Variants in MEIS2 observed in about 807,000 individuals in gnomAD.
The protein encoded by MEIS2 is homeobox protein Meis2.
A neutral mutation model predicts 58.6 loss-of-function variants in MEIS2; 9 were observed. That is an observed-to-expected ratio of 0.15 (90% CI 0.09 to 0.27). The LOEUF is 0.27. Among genes scored for constraint, MEIS2 ranks in the 10% least tolerant of loss-of-function variants. The pLI, the probability that MEIS2 is intolerant of heterozygous loss-of-function variation, is 1.00. For missense variants in MEIS2, 427 were observed against 635.0 expected (o/e 0.67, Z 3.52); for synonymous variants, 221 against 228.4 (o/e 0.97, Z 0.29).
intron 8 of MEIS2, among the ~76,000 whole-genome samples, chr15:37,031,781 T>C (rs1330731784): frequency 2.7e-5 from 4 of 150,016 alleles, no homozygotes; most frequent in Non-Finnish European, 5.9e-5. Flanking sequence ...AATCTGTAGT[T>C]TCAAGGCAGC....
chr15:37,076,280 C>T (rs1891406083), intron 7 of MEIS2, among the ~76,000 whole-genome samples: 2 of 151,828 alleles, frequency 1.3e-5, no homozygotes, highest in East Asian at 1.9e-4. Flanking sequence ...AATAACATGG[C>T]GTCATCACAG....
chr15:36,976,586 T>A (rs1054396827), intron 8 of MEIS2, among the ~76,000 whole-genome samples: 1 of 151,650 alleles, frequency 6.6e-6, no homozygotes, highest in Non-Finnish European at 1.5e-5. Context: ...TGACAGAGAC[T>A]GAAGGCACAG....
rs2055807409 is a variant in MEIS2 at position 36,890,639 on chromosome 15, A to C, written c.*1534T>G. 1 of 152,210 alleles carries C rather than the reference A, an allele frequency of 6.6e-6. No individual in the cohort carries two copies. The highest frequency in any genetic ancestry group is 1.5e-5 in the Non-Finnish European group (1 of 68,020). 9.4% of individuals were successfully genotyped at this position (152,210 alleles called of 1,614,324 possible). A position where few individuals can be genotyped will look rare whatever the true frequency, so the allele number is the denominator to read the frequency against. ...GGCAGAGGAAAAACACAGGCAGATA[A>C]ATTACCTTTGAGCACAGACATTATT... On this transcript the variant is annotated 3_prime_UTR_variant, in exon 12 of 12. Coordinates refer to ENST00000561208, the MANE Select transcript of MEIS2 (RefSeq NM_170675.5).
chr15:36,956,081 A>C (rs2058959646), intron 8 of MEIS2, among the ~76,000 whole-genome samples: 1 of 146,694 alleles, frequency 6.8e-6, no homozygotes, highest in African/African-American at 2.5e-5. Context: ...CCTGTAGTCC[A>C]GCTACTCGGG....
chr15:36,911,772 G>C (rs1304459510), intron 9 of MEIS2, among the ~76,000 whole-genome samples: 1 of 152,092 alleles, frequency 6.6e-6, no homozygotes, highest in African/African-American at 2.4e-5. Flanking sequence ...TCAATTGTTG[G>C]GCTTATTGAC....
At chr15:37,066,697 T>C (rs1418050859) in intron 7 of MEIS2, among the ~76,000 whole-genome samples, 2 of 152,228 alleles carry the variant, frequency 1.3e-5, no homozygotes, top group Admixed American at 6.5e-5. Context: ...GGAGAAAACT[T>C]AGAAATCCCC....
chr15:37,007,031 A>T (rs2060946953), intron 8 of MEIS2, among the ~76,000 whole-genome samples: 1 of 152,246 alleles, frequency 6.6e-6, no homozygotes, highest in African/African-American at 2.4e-5. Context: ...CTCTCTGGGC[A>T]TTATGTACTT....
chr15:37,016,169 A>G (rs999389047), intron 8 of MEIS2, among the ~76,000 whole-genome samples: 6 of 152,228 alleles, frequency 3.9e-5, no homozygotes, highest in African/African-American at 1.4e-4. Flanking sequence ...GAAACAACAA[A>G]GAATGAATGA....
intron 8 of MEIS2, among the ~76,000 whole-genome samples, chr15:36,980,837 C>G (rs1286268497): frequency 6.6e-6 from 1 of 152,106 alleles, no homozygotes; most frequent in Non-Finnish European, 1.5e-5. Context: ...TATACTGTCT[C>G]TTCTGTTCCA....
Position 36,892,339 on chromosome 15 carries a change from G to C in MEIS2, c.1268C>G (p.Pro423Arg), listed in dbSNP as rs768077389. The C allele has an allele frequency of 6.2e-6, 10 of 1,613,792 alleles. No homozygotes were observed. In the African/African-American group the frequency reaches 1.1e-4, roughly 17 times the overall value. The change falls in exon 12 of 12, where the codon CCC (proline) becomes CGC (arginine). Residue 423 changes from proline to arginine, a missense_variant. Physicochemically the swap from Pro to Arg is moderately radical, Grantham distance 103. This residue lies in a region of MEIS2 where 154 missense variants were observed against 148.1 expected (regional missense o/e 1.04). Coordinates refer to ENST00000561208, the MANE Select transcript of MEIS2 (RefSeq NM_170675.5). ...GCTTGGCAAATATGAATGCATTGGG[G>C]GTCCATGTCTTAATTGAGTAGGGTG... ...TPHPTQLRHGPPMHSYLPSHP... is the reference protein window; with the variant it reads ...TPHPTQLRHGRPMHSYLPSHP...
At chr15:36,975,815 G>C (rs2059729380) in intron 8 of MEIS2, among the ~76,000 whole-genome samples, 1 of 152,142 alleles carries the variant, frequency 6.6e-6, no homozygotes, top group Non-Finnish European at 1.5e-5. Context: ...GGTGACTACA[G>C]TCAAAAACAA....
intron 8 of MEIS2, among the ~76,000 whole-genome samples, chr15:36,953,521 G>T (rs2058838354): frequency 6.6e-6 from 1 of 152,130 alleles, no homozygotes; most frequent in Non-Finnish European, 1.5e-5. Flanking sequence ...GCCCAGAGGT[G>T]GCTCAACTTA....
intron 8 of MEIS2, among the ~76,000 whole-genome samples, chr15:37,002,376 T>C (rs2060762588): frequency 6.6e-6 from 1 of 150,676 alleles, no homozygotes. Flanking sequence ...CCAACTCCCA[T>C]AGCCCTGTAC....
At chr15:37,086,992 TC>T (rs1041659667) in intron 6 of MEIS2, among the ~76,000 whole-genome samples, 3 of 152,184 alleles carry the variant, frequency 2.0e-5, no homozygotes, top group African/African-American at 7.2e-5. Flanking sequence ...TTTACAAGTT[TC>T]CATCCTTCAA....
chr15:37,060,655 A>G (rs1457031589), intron 7 of MEIS2, among the ~76,000 whole-genome samples: 1 of 152,222 alleles, frequency 6.6e-6, no homozygotes, highest in Non-Finnish European at 1.5e-5. Flanking sequence ...CTTTTCAAAT[A>G]AGACTGGGTG....
intron 8 of MEIS2, among the ~76,000 whole-genome samples, chr15:37,017,682 AAG>A (rs1289147324): frequency 6.6e-6 from 1 of 152,164 alleles, no homozygotes; most frequent in Non-Finnish European, 1.5e-5. Flanking sequence ...ACCGCTAACT[AAG>A]AGATAGACCA....
In MEIS2 at chr15:36,954,217, G is replaced by A. The variant is rs191413610; in HGVS notation, c.901-3817C>T. On this transcript the variant is annotated intron_variant, in intron 8 of 11. Transcript: ENST00000561208. ...AAAGGTTGTCCCCATATATTATTGA[G>A]TAAAAAAAGCAAGTTGTAGAACAAT... 2.6e-5 allele frequency among the ~76,000 whole-genome samples: 4 copies of A among 151,570 alleles called. No individual in the cohort carries two copies. The East Asian group carries it at 7.8e-4, about 29-fold the overall frequency.
intron 7 of MEIS2, among the ~76,000 whole-genome samples, chr15:37,081,353 C>T (rs1596093456): frequency 6.6e-6 from 1 of 152,302 alleles, no homozygotes. Context: ...TTCCATTATA[C>T]ATCAACCCTA....
intron 7 of MEIS2, among the ~76,000 whole-genome samples, chr15:37,052,997 G>C (rs560059735): frequency 2.0e-5 from 3 of 152,222 alleles, no homozygotes; most frequent in African/African-American, 7.2e-5. Flanking sequence ...ACAACTCGAA[G>C]GGCACCAACA....
Sources: gnomAD v4.1 joint callset for allele counts (sites outside exome capture counted in the v4.1 genomes callset) on GRCh38, gnomAD v4.1.1 for gene constraint, gnomAD v4.1.1 regional missense constraint, MANE v1.5 for transcripts, NCBI Gene and HGNC (gene_info 2026-07-23, HGNC 2026-07-21) for gene names.